The following NDFIP2 variants were observed in gnomAD, a reference collection of about 807,000 sequenced individuals.
NDFIP2 encodes the protein NEDD4 family-interacting protein 2.
Under a neutral mutation model 36.0 loss-of-function variants are expected in NDFIP2, and 19 were observed. That is an observed-to-expected ratio of 0.53 (90% CI 0.37 to 0.77). The LOEUF is 0.77. Ranked by LOEUF, NDFIP2 falls within the 30% of genes least tolerant of loss-of-function variation. NDFIP2 has a pLI of 0.00. For synonymous variants in NDFIP2, 181 were observed against 167.7 expected, an observed-to-expected ratio of 1.08 and a Z score of -0.61; for missense variants, 446 against 435.8, an observed-to-expected ratio of 1.02 and a Z score of -0.21.
Position 79,481,243 on chromosome 13 carries a change from C to G in NDFIP2, c.40C>G (p.Pro14Ala). The G allele has an allele frequency of 6.5e-7, 1 of 1,534,136 alleles. No individual in the cohort carries two copies. Among genetic ancestry groups the G allele is most frequent in the Non-Finnish European group, 8.7e-7 (1 of 1,145,530 alleles). Residue 14 changes from proline to alanine, a missense_variant, in exon 1 of 8, where the codon CCG (proline) becomes GCG (alanine). Pro to Ala is a conservative substitution (Grantham distance 27, BLOSUM62 -1). This residue lies in a region of NDFIP2 where 369 missense variants were observed against 304.8 expected (regional missense o/e 1.21). Transcript: ENST00000218652. ...GAGCCAGCGAGTCTGCGCGAGCGGT[C>G]CGAGCATGCTCAATAGCGCGCGCGG... The part of the protein sequence containing the change: ...RRSQRVCASG[P>A]SMLNSARGAP...
At chr13:79,489,618 C>T (rs1873148372) in intron 1 of NDFIP2, among the ~76,000 whole-genome samples, 1 of 152,146 alleles carries the variant, frequency 6.6e-6, no homozygotes, top group Non-Finnish European at 1.5e-5. Flanking sequence ...GTAACTCCAT[C>T]CACTCTTAAG....
At chr13:79,499,402 A>G (rs151212478) in intron 1 of NDFIP2, among the ~76,000 whole-genome samples, 223 of 152,112 alleles carry the variant, frequency 1.5e-3, no homozygotes, top group Admixed American at 8.9e-3. Context: ...GAAGGAAATA[A>G]AAGTTATAGA....
intron 5 of NDFIP2, among the ~76,000 whole-genome samples, chr13:79,546,055 C>T (rs559094539): frequency 6.6e-6 from 1 of 152,330 alleles, no homozygotes; most frequent in African/African-American, 2.4e-5. Flanking sequence ...TGTGAATTGA[C>T]ATCTACCTTG....
At chr13:79,519,064 C>A (rs1874461561) in intron 1 of NDFIP2, 1 of 152,238 alleles carries the variant, frequency 6.6e-6, no homozygotes, top group African/African-American at 2.4e-5. Flanking sequence ...CCCTCAGCCT[C>A]CCAAAGTGCT....
chr13:79,543,488 T>C (rs935927468), intron 4 of NDFIP2, 70 bp from the exon 5 acceptor site: 1 of 1,557,394 alleles, frequency 6.4e-7, no homozygotes. Flanking sequence ...CCATGAAATA[T>C]TATTAATATG....
intron 1 of NDFIP2, among the ~76,000 whole-genome samples, chr13:79,498,262 A>G (rs527626044): frequency 6.6e-6 from 1 of 152,060 alleles, no homozygotes; most frequent in East Asian, 1.9e-4. Context: ...TCAAGTTTTT[A>G]CATTTTTACT....
chr13:79,544,652 TTGAA>T (rs1485794721), intron 5 of NDFIP2, among the ~76,000 whole-genome samples: 1 of 152,112 alleles, frequency 6.6e-6, no homozygotes, highest in Non-Finnish European at 1.5e-5. Flanking sequence ...TGATTTCTAA[TTGAA>T]TGAGCTAAAT....
intron 3 of NDFIP2, 142 bp from the exon 4 acceptor site, chr13:79,539,540 C>T (rs1341869392): frequency 1.6e-5 from 9 of 569,246 alleles, no homozygotes; most frequent in Non-Finnish European, 2.8e-5. Flanking sequence ...ATTGATTACT[C>T]TGTGCCAGAC....
chr13:79,507,817 T>G (rs938836417), intron 1 of NDFIP2, among the ~76,000 whole-genome samples: 1 of 152,030 alleles, frequency 6.6e-6, no homozygotes, highest in African/African-American at 2.4e-5. Context: ...CTGTATTTGT[T>G]TGAGATCTTG....
At chr13:79,497,560 T>G (rs940647604) in intron 1 of NDFIP2, among the ~76,000 whole-genome samples, 5 of 151,840 alleles carry the variant, frequency 3.3e-5, no homozygotes, top group Non-Finnish European at 7.4e-5. Flanking sequence ...TAAATTCTTT[T>G]TGTATTTTTG....
At chr13:79,515,363 T>C (rs1385630734) in intron 1 of NDFIP2, among the ~76,000 whole-genome samples, 1 of 152,200 alleles carries the variant, frequency 6.6e-6, no homozygotes, top group Non-Finnish European at 1.5e-5. Flanking sequence ...TATTATAAAA[T>C]TTAAAACCAC....
chr13:79,550,350 T>TA (rs1268530687), intron 6 of NDFIP2, among the ~76,000 whole-genome samples: 1 of 151,770 alleles, frequency 6.6e-6, no homozygotes, highest in Non-Finnish European at 1.5e-5. Flanking sequence ...CTGAGGTAGA[T>TA]ATAAGATGTA....
intron 3 of NDFIP2, among the ~76,000 whole-genome samples, chr13:79,534,759 T>G (rs1875166726): frequency 6.6e-6 from 1 of 152,074 alleles, no homozygotes; most frequent in African/African-American, 2.4e-5. Context: ...TGTGCTTCCA[T>G]GTATGGCATT....
intron 2 of NDFIP2, among the ~76,000 whole-genome samples, chr13:79,524,144 T>C (rs1874697799): frequency 6.6e-6 from 1 of 152,210 alleles, no homozygotes; most frequent in South Asian, 2.1e-4. Flanking sequence ...TCTTCCTCTG[T>C]AGATGACTCT....
intron 1 of NDFIP2, among the ~76,000 whole-genome samples, chr13:79,506,121 T>C (rs777857382): frequency 2.6e-5 from 4 of 152,196 alleles, no homozygotes; most frequent in Non-Finnish European, 5.9e-5. Context: ...CCTTCTGTCC[T>C]ACATTAAAAA....
intron 3 of NDFIP2, among the ~76,000 whole-genome samples, chr13:79,536,981 T>C (rs1382518382): frequency 6.6e-6 from 1 of 151,906 alleles, no homozygotes; most frequent in Non-Finnish European, 1.5e-5. Context: ...TGATCCCGGA[T>C]GAAGACTGCA....
chr13:79,526,500 TACA>T (rs1329387750), intron 2 of NDFIP2, among the ~76,000 whole-genome samples: 3 of 152,270 alleles, frequency 2.0e-5, no homozygotes, highest in South Asian at 4.2e-4. Flanking sequence ...GCTGAGGAAC[TACA>T]ACATTTAACA....
chr13:79,517,357 G>C (rs1400062165), intron 1 of NDFIP2, among the ~76,000 whole-genome samples: 1 of 151,988 alleles, frequency 6.6e-6, no homozygotes, highest in Non-Finnish European at 1.5e-5. Flanking sequence ...CTGTTTAGAT[G>C]ATTGTTAATG....
In NDFIP2 at chr13:79,501,473, G is replaced by A. The variant is rs566747788; in HGVS notation, c.322-19337G>A. On this transcript the variant is annotated intron_variant, in intron 1 of 7. Transcript: ENST00000218652. ...TCCTGTGGATCTAAATCTCTAAGAAGTGAAGTCTGTTAAAAACGTGATTTG... is the reference window on the plus strand; with the variant it reads ...TCCTGTGGATCTAAATCTCTAAGAAATGAAGTCTGTTAAAAACGTGATTTG... Among the ~76,000 whole-genome samples the A allele has an allele frequency of 3.9e-5, 6 of 152,204 alleles. No homozygotes were observed. The South Asian group carries it at 6.2e-4, about 16-fold the overall frequency.
Sources: allele counts gnomAD v4.1 joint callset (sites outside exome capture counted in the v4.1 genomes callset), GRCh38; gene constraint gnomAD v4.1.1; regional missense constraint gnomAD v4.1.1; transcripts MANE v1.5; gene names NCBI Gene and HGNC (gene_info 2026-07-23, HGNC 2026-07-21).